The following ZNF469 variants were observed in gnomAD, a reference collection of about 807,000 sequenced individuals.
The protein encoded by ZNF469 is zinc finger protein 469.
ZNF469 carries 1 observed loss-of-function variant against 1.0 expected under a neutral mutation model. The observed-to-expected ratio is 1.00, with a 90% CI of 0.35 to 4.73. The LOEUF (loss-of-function observed/expected upper bound fraction) is 4.73. Ranked by LOEUF, ZNF469 falls within the 30% of genes most tolerant of loss-of-function variation. The probability of loss-of-function intolerance (pLI) is 0.16; values close to 1 mark genes in which losing one functional copy is unlikely to be tolerated. For missense variants in ZNF469, 6,100 were observed against 5,356.3 expected, an observed-to-expected ratio of 1.14 and a Z score of -4.33; for synonymous variants, 2,703 against 2,363.4, an observed-to-expected ratio of 1.14 and a Z score of -4.17.
chr16:88,122,433 C>T, the ZNF469 span, among the ~76,000 whole-genome samples: 57 of 151,536 alleles, frequency 3.8e-4, no homozygotes, highest in Non-Finnish European at 5.3e-4. Context: ...ACTCGGATCA[C>T]ACTCCGTCAC....
chr16:88,134,202 C>G, the ZNF469 span, among the ~76,000 whole-genome samples: 2 of 152,190 alleles, frequency 1.3e-5, no homozygotes, highest in Non-Finnish European at 2.9e-5. Context: ...ATGGGCTGCC[C>G]TTGGCATTTA....
chr16:88,308,003 C>T, the ZNF469 span, among the ~76,000 whole-genome samples: 3 of 152,176 alleles, frequency 2.0e-5, no homozygotes, highest in African/African-American at 7.2e-5. Context: ...TTTTGGAGTT[C>T]ACATTGTGTA....
chr16:88,197,720 A>G, the ZNF469 span, among the ~76,000 whole-genome samples: 1 of 152,208 alleles, frequency 6.6e-6, no homozygotes, highest in Non-Finnish European at 1.5e-5. Context: ...GGCTGCCATC[A>G]TTCGCAGGCC....
the ZNF469 span, among the ~76,000 whole-genome samples, chr16:88,244,263 G>T: frequency 1.3e-5 from 2 of 151,468 alleles, no homozygotes; most frequent in Non-Finnish European, 2.9e-5. Context: ...ATGCATACAT[G>T]GATGGGTGAA....
At chr16:88,288,007 G>A in the ZNF469 span, among the ~76,000 whole-genome samples, 1 of 152,084 alleles carries the variant, frequency 6.6e-6, no homozygotes, top group Admixed American at 6.5e-5. Context: ...ACTCACTCCA[G>A]TTGTATAAAT....
At position 88,435,097 on chromosome 16, in the gene ZNF469, CG is replaced by C; in HGVS notation, c.7631del (p.Gly2544GlufsTer40). 1 of 1,550,378 alleles carries C rather than the reference CG, an allele frequency of 6.5e-7. No individual in the cohort carries two copies. Among genetic ancestry groups the C allele is most frequent in the Non-Finnish European group, 8.7e-7 (1 of 1,146,992 alleles). ...VSGKERPNHS[R>X]GDPSHVTQPP... ...TGGGAAGGAGAGACCAAATCACTCA[CG>C]GGGAGACCCCAGCCACGTCACCCAG... On this transcript the variant is annotated frameshift_variant, in exon 3 of 3. Transcript: ENST00000565624. LOFTEE classifies it low-confidence loss of function (END_TRUNC).
intron 1 of ZNF469, among the ~76,000 whole-genome samples, chr16:88,419,296 C>A (rs574861380): frequency 6.6e-6 from 1 of 152,306 alleles, no homozygotes; most frequent in South Asian, 2.1e-4. Context: ...TGGTGGGCAG[C>A]CAGAGGCCGG....
chr16:88,212,213 T>A, the ZNF469 span, among the ~76,000 whole-genome samples: 12 of 152,268 alleles, frequency 7.9e-5, no homozygotes, highest in African/African-American at 2.7e-4. Flanking sequence ...GAGCTATGCC[T>A]CGGAATCACT....
chr16:88,292,832 T>G, the ZNF469 span, among the ~76,000 whole-genome samples: 2,882 of 143,604 alleles, frequency 0.02, 93 homozygotes, highest in African/African-American at 0.07. Context: ...TCTAACAGAA[T>G]TTGATTTCCA....
the ZNF469 span, among the ~76,000 whole-genome samples, chr16:88,137,802 C>T: frequency 7.2e-5 from 11 of 152,296 alleles, no homozygotes; most frequent in Middle Eastern, 3.4e-3. Context: ...ATGTTTGATA[C>T]GAGGCATGGT....
the ZNF469 span, among the ~76,000 whole-genome samples, chr16:88,245,525 G>C: frequency 6.6e-6 from 1 of 152,264 alleles, no homozygotes; most frequent in Non-Finnish European, 1.5e-5. Context: ...TGGGAGGTCA[G>C]CTGCCCAGGA....
chr16:88,187,284 G>A, the ZNF469 span, among the ~76,000 whole-genome samples: 1 of 152,266 alleles, frequency 6.6e-6, no homozygotes, highest in African/African-American at 2.4e-5. Flanking sequence ...GGACCCCGCA[G>A]AACCTAGCAC....
chr16:88,423,097 TGGATGGATGGGTG>T lies in ZNF469; in HGVS notation c.-191-1708_-191-1696del, dbSNP rs1201995143. On this transcript the variant is annotated intron_variant, in intron 1 of 2. Transcript: ENST00000565624. ...GTAGATAGATGGATGATGATGATGA[TGGATGGATGGGTG>T]GATGGATGGATGGATGGATGGATAG... Among the ~76,000 whole-genome samples, 8 of 125,864 alleles carry T rather than the reference TGGATGGATGGGTG, an allele frequency of 6.4e-5. No homozygotes were observed. The South Asian group carries it at 1.2e-3, about 19-fold the overall frequency. 82.6% of individuals were successfully genotyped at this position (125,864 alleles called of 152,430 possible).
chr16:88,393,783 G>A (rs926743790), intron 1 of ZNF469, among the ~76,000 whole-genome samples: 11 of 152,248 alleles, frequency 7.2e-5, no homozygotes, highest in African/African-American at 2.7e-4. Flanking sequence ...GGCCAGGGCC[G>A]GTGTGCGACG....
chr16:88,296,167 T>C, the ZNF469 span, among the ~76,000 whole-genome samples: 12 of 152,056 alleles, frequency 7.9e-5, no homozygotes, highest in Non-Finnish European at 1.2e-4. Flanking sequence ...CCCTGATGCA[T>C]TGCAACAGCC....
At chr16:88,271,585 A>G in the ZNF469 span, among the ~76,000 whole-genome samples, 1 of 140,232 alleles carries the variant, frequency 7.1e-6, no homozygotes, top group African/African-American at 2.5e-5. Flanking sequence ...TAGAGCATCC[A>G]GGGGGCCAGG....
the ZNF469 span, among the ~76,000 whole-genome samples, chr16:88,122,382 A>C: frequency 6.7e-6 from 1 of 149,196 alleles, no homozygotes; most frequent in African/African-American, 2.5e-5. Context: ...CACAGCAGTC[A>C]CTCAGATCAC....
At chr16:88,373,719 G>A in the ZNF469 span, among the ~76,000 whole-genome samples, 2 of 152,204 alleles carry the variant, frequency 1.3e-5, no homozygotes, top group Non-Finnish European at 2.9e-5. Flanking sequence ...AGAAACGGCA[G>A]GGTGCGGTGG....
chr16:88,335,241 C>T, the ZNF469 span, among the ~76,000 whole-genome samples: 2 of 151,994 alleles, frequency 1.3e-5, no homozygotes, highest in Non-Finnish European at 2.9e-5. Flanking sequence ...ACTGTAGGGT[C>T]AGATGCAGGC....
Sources: allele counts gnomAD v4.1 joint callset (sites outside exome capture counted in the v4.1 genomes callset), GRCh38; gene constraint gnomAD v4.1.1; transcripts MANE v1.5; gene names NCBI Gene and HGNC (gene_info 2026-07-23, HGNC 2026-07-21).